Variants in AHNAK observed in about 807,000 individuals in gnomAD.
AHNAK encodes the protein AHNAK nucleoprotein.
Under a neutral mutation model 37.8 loss-of-function variants are expected in AHNAK, and 23 were observed. That is an observed-to-expected ratio of 0.61 (90% CI 0.44 to 0.86). The LOEUF (loss-of-function observed/expected upper bound fraction) is 0.86, where lower values mean the gene tolerates loss of function less well. Among genes scored for constraint, AHNAK ranks in the 40% least tolerant of loss-of-function variants. The probability of loss-of-function intolerance (pLI) is 0.00; values close to 1 mark genes in which losing one functional copy is unlikely to be tolerated. For missense variants in AHNAK, 7,411 were observed against 7,319.4 expected (o/e 1.01, Z -0.46); for synonymous variants, 2,481 against 2,636.3 (o/e 0.94, Z 1.80).
At chr11:62,511,708 T>G (rs1184209916), downstream of AHNAK, among the ~76,000 whole-genome samples, 2 of 152,188 alleles carry the variant, frequency 1.3e-5, no homozygotes, top group Non-Finnish European at 2.9e-5. Context: ...GAAACCTCGA[T>G]GTATAAAAAT....
At chr11:62,497,579 C>G (rs757849859) in intron 4 of AHNAK, among the ~76,000 whole-genome samples, 1 of 152,188 alleles carries the variant, frequency 6.6e-6, no homozygotes, top group African/African-American at 2.4e-5. Flanking sequence ...AGCATCATTA[C>G]GACATATCTG....
intron 4 of AHNAK, among the ~76,000 whole-genome samples, chr11:62,498,123 G>GA (rs1939645330): frequency 1.3e-5 from 2 of 152,142 alleles, no homozygotes; most frequent in Admixed American, 1.3e-4. Flanking sequence ...GTTAAGAGGG[G>GA]AAAAAGGAAA....
intron 5 of AHNAK, among the ~76,000 whole-genome samples, chr11:62,472,881 G>C (rs1251716230): frequency 6.6e-6 from 1 of 151,266 alleles, no homozygotes; most frequent in Admixed American, 6.6e-5. Context: ...GAGGTCAGGA[G>C]GTCAAGACCA....
At chr11:62,463,261 G>A (rs1938831573) in intron 5 of AHNAK, among the ~76,000 whole-genome samples, 1 of 151,916 alleles carries the variant, frequency 6.6e-6, no homozygotes, top group Non-Finnish European at 1.5e-5. Context: ...GTTCCAATAA[G>A]TTGATTATAA....
intron 5 of AHNAK, among the ~76,000 whole-genome samples, chr11:62,467,209 C>CT (rs1938930378): frequency 7.2e-5 from 2 of 27,656 alleles, no homozygotes; most frequent in South Asian, 1.6e-3. Context: ...GAGATCCTGT[C>CT]TTAAAAAAAA....
chr11:62,479,555 T>C (rs1048047298), intron 5 of AHNAK, among the ~76,000 whole-genome samples: 2 of 152,064 alleles, frequency 1.3e-5, no homozygotes, highest in African/African-American at 4.8e-5. Flanking sequence ...AATATTTTTG[T>C]CAGGCCAACA....
In AHNAK at chr11:62,518,970, G is replaced by A; in HGVS notation, c.15447C>T (p.Asp5149=). Residue 5149 remains aspartate (D), a synonymous_variant, in exon 5 of 5, where the codon GAC becomes GAT. Transcript: ENST00000378024. ...CACCCTCTATTTTTGGCACTGAGAT[G>A]TCCACATCTGGCATCTTGACCTTGG... ...KAPKVKMPDV[D]ISVPKIEGDL... The A allele has an allele frequency of 1.2e-6, 2 of 1,614,132 alleles. No individual in the cohort carries two copies. Among genetic ancestry groups the A allele is most frequent in the Admixed American group, 1.7e-5 (1 of 60,024 alleles).
intron 5 of AHNAK, among the ~76,000 whole-genome samples, chr11:62,485,780 C>T (rs1939379521): frequency 6.7e-6 from 1 of 150,244 alleles, no homozygotes; most frequent in South Asian, 2.1e-4. Flanking sequence ...TTTTGGGAGG[C>T]CAAGGCAGGT....
intron 5 of AHNAK, among the ~76,000 whole-genome samples, chr11:62,439,669 T>C (rs1469338885): frequency 7.7e-6 from 1 of 130,078 alleles, no homozygotes; most frequent in Non-Finnish European, 1.5e-5. Context: ...TGTGTGATTT[T>C]TTTTTTTTTT....
In AHNAK at chr11:62,526,140, G is replaced by A. The variant is rs764241308; in HGVS notation, c.8277C>T (p.Gly2759=). The A allele has an allele frequency of 3.1e-6, 5 of 1,613,290 alleles. No homozygotes were observed. The highest frequency in any genetic ancestry group is 1.7e-5 in the Admixed American group (1 of 59,920). Reference sequence around the variant, plus strand: ...TGGGCATCTTTAGGTGCCAGTCTGGGCCATGAACATCAACATCAGGTGCGT... The same window carrying A: ...TGGGCATCTTTAGGTGCCAGTCTGGACCATGAACATCAACATCAGGTGCGT... ...DIDAPDVDVH[G]PDWHLKMPKI... is the part of the protein sequence containing the mutation. The change falls in exon 5 of 5, where the codon GGC becomes GGT. Residue 2759 remains glycine (G), a synonymous_variant. Transcript: ENST00000378024.
intron 5 of AHNAK, among the ~76,000 whole-genome samples, chr11:62,452,961 G>C (rs2134806951): frequency 2.6e-5 from 4 of 152,250 alleles, no homozygotes; most frequent in Admixed American, 2.6e-4. Context: ...GGAGGTGGAA[G>C]TTGCAGTAAA....
At chr11:62,511,095 A>T (rs1939901632), downstream of AHNAK, among the ~76,000 whole-genome samples, 1 of 152,204 alleles carries the variant, frequency 6.6e-6, no homozygotes, top group Non-Finnish European at 1.5e-5. Flanking sequence ...GGTGCTGGAG[A>T]CATAGCAATA....
intron 5 of AHNAK, among the ~76,000 whole-genome samples, chr11:62,481,471 C>T (rs1939271959): frequency 6.6e-6 from 1 of 152,132 alleles, no homozygotes; most frequent in Admixed American, 6.6e-5. Flanking sequence ...GGTCTCGTCC[C>T]TGCCTCCACA....
intron 5 of AHNAK, among the ~76,000 whole-genome samples, chr11:62,485,976 G>A (rs904396476): frequency 6.9e-5 from 10 of 145,158 alleles, no homozygotes; most frequent in Admixed American, 5.7e-4. Context: ...AGCCGAGATT[G>A]CACCACTGCA....
chr11:62,535,988 C>T lies in AHNAK; in HGVS notation c.111G>A (p.Val37=), dbSNP rs201305175. 6.1e-5 allele frequency: 98 copies of T among 1,612,860 alleles called. No homozygotes were observed. The highest frequency in any genetic ancestry group is 8.1e-5 in the Non-Finnish European group (96 of 1,179,606). ...QRDDGVFVQE[V]TQNSPAARTG... is the part of the protein sequence containing the mutation. ...TGCGGGCCGCAGGGGAGTTCTGCGT[C>T]ACCTCCTGCACAAAGACGCCGTCGT... The change falls in exon 3 of 5, where the codon GTG becomes GTA. Residue 37 remains valine (V), a synonymous_variant. Transcript: ENST00000378024.
In AHNAK at chr11:62,515,967, G is replaced by A; in HGVS notation, c.*777C>T. ...AATTTTCTTACATTCTCAGTTAATTGGCCATTAAAGTGCTGGAAATTTTCT... is the reference window on the plus strand; with the variant it reads ...AATTTTCTTACATTCTCAGTTAATTAGCCATTAAAGTGCTGGAAATTTTCT... On this transcript the variant is annotated 3_prime_UTR_variant, in exon 5 of 5. Transcript: ENST00000378024. 4 of 1,168,490 alleles carry A rather than the reference G, an allele frequency of 3.4e-6. No individual in the cohort carries two copies. In the South Asian group the frequency reaches 5.2e-5, roughly 15 times the overall value. 72.4% of individuals were successfully genotyped at this position (1,168,490 alleles called of 1,614,324 possible).
At chr11:62,492,072 G>T (rs1939513728) in intron 4 of AHNAK, among the ~76,000 whole-genome samples, 1 of 152,122 alleles carries the variant, frequency 6.6e-6, no homozygotes, top group Non-Finnish European at 1.5e-5. Flanking sequence ...CTTTGTGAAA[G>T]CCCGGGGAAT....
chr11:62,493,657 G>T (rs889154582), intron 4 of AHNAK, among the ~76,000 whole-genome samples: 1 of 115,952 alleles, frequency 8.6e-6, no homozygotes, highest in Non-Finnish European at 1.6e-5. Context: ...TTAAGAGATG[G>T]GGGGGGTCCC....
intron 5 of AHNAK, among the ~76,000 whole-genome samples, chr11:62,453,372 T>G (rs1474607794): frequency 6.6e-6 from 1 of 152,116 alleles, no homozygotes; most frequent in Non-Finnish European, 1.5e-5. Context: ...TTCAGCCCCA[T>G]TTGGATTGTG....
Sources: allele counts gnomAD v4.1 joint callset (sites outside exome capture counted in the v4.1 genomes callset), GRCh38; gene constraint gnomAD v4.1.1; transcripts MANE v1.5; gene names NCBI Gene and HGNC (gene_info 2026-07-23, HGNC 2026-07-21).